RNF157: variants seen among roughly 807,000 people sequenced by gnomAD.
The protein encoded by RNF157 is E3 ubiquitin ligase RNF157.
In RNF157, 55 loss-of-function variants were observed where a neutral mutation model predicts 88.3. The observed-to-expected ratio is 0.62, with a 90% CI of 0.50 to 0.78. The LOEUF is 0.78. Ranked by LOEUF, RNF157 falls within the 30% of genes least tolerant of loss-of-function variation. RNF157 has a pLI of 0.00. For missense variants in RNF157, 788 were observed against 860.8 expected (o/e 0.92, Z 1.06); for synonymous variants, 334 against 341.2 (o/e 0.98, Z 0.23).
rs2068753440 is a variant in RNF157, at chr17:76,155,752, G to A, written c.1526-18C>T. On this transcript the variant is annotated intron_variant, in intron 14 of 18. Coordinates refer to ENST00000269391, the MANE Select transcript of RNF157 (RefSeq NM_052916.3). ...GGCAGGGCCTTTGGAGACAGGGGATGGGGAAAGGAGCCTGGAGGTCAGGCA... is the reference window on the plus strand; with the variant it reads ...GGCAGGGCCTTTGGAGACAGGGGATAGGGAAAGGAGCCTGGAGGTCAGGCA... 1.3e-6 allele frequency: 2 copies of A among 1,521,388 alleles called. No individual in the cohort carries two copies. The highest frequency in any genetic ancestry group is 2.3e-5 in the Admixed American group (1 of 42,640). 94.2% of individuals were successfully genotyped at this position (1,521,388 alleles called of 1,614,324 possible).
chr17:76,184,851 G>A (rs367726427), intron 2 of RNF157, among the ~76,000 whole-genome samples: 29 of 152,134 alleles, frequency 1.9e-4, no homozygotes, highest in Non-Finnish European at 3.8e-4. Flanking sequence ...TATAGTCTTC[G>A]AACTCCTCTG....
chr17:76,180,293 A>G (rs2069169502), intron 2 of RNF157, among the ~76,000 whole-genome samples: 1 of 152,222 alleles, frequency 6.6e-6, no homozygotes, highest in Non-Finnish European at 1.5e-5. Context: ...ATGAACAAAG[A>G]ATGAAATTTG....
At chr17:76,187,803 G>A (rs890735594) in intron 2 of RNF157, among the ~76,000 whole-genome samples, 8 of 152,022 alleles carry the variant, frequency 5.3e-5, no homozygotes, top group Admixed American at 3.9e-4. Context: ...TTACCATGTT[G>A]GTCAGGCTGC....
Position 76,167,685 on chromosome 17 carries a change from G to T in RNF157, c.409C>A (p.Gln137Lys), listed in dbSNP as rs1416463605. 1.2e-6 allele frequency: 2 copies of T among 1,614,044 alleles called. No individual in the cohort carries two copies. Among genetic ancestry groups the T allele is most frequent in the Non-Finnish European group, 1.7e-6 (2 of 1,180,040 alleles). The change falls in exon 4 of 19, where the codon CAG (glutamine) becomes AAG (lysine). Residue 137 changes from glutamine to lysine, a missense_variant. Physicochemically the swap from Gln to Lys is moderately conservative, Grantham distance 53. Coordinates refer to ENST00000269391, the MANE Select transcript of RNF157 (RefSeq NM_052916.3). ...CCATTCTGGAACTCTTCCGTGGCCTGGTAATAGATGGTGATGGCTACCCGA... is the reference window on the plus strand; with the variant it reads ...CCATTCTGGAACTCTTCCGTGGCCTTGTAATAGATGGTGATGGCTACCCGA... ...DARVAITIYYQATEEFQNGIA... is the reference protein window; with the variant it reads ...DARVAITIYYKATEEFQNGIA...
At chr17:76,231,993 C>T (rs902772319) in intron 1 of RNF157, among the ~76,000 whole-genome samples, 9 of 152,140 alleles carry the variant, frequency 5.9e-5, no homozygotes, top group Non-Finnish European at 7.4e-5. Context: ...CAAACTCATA[C>T]GATATATAGT....
At chr17:76,156,465 C>A in intron 13 of RNF157, 144 bp from the exon 14 acceptor site, 2 of 1,453,350 alleles carry the variant, frequency 1.4e-6, no homozygotes, top group South Asian at 1.4e-5. Flanking sequence ...GAGGCCGCAG[C>A]TTCTCTCTTC....
At chr17:76,207,404 C>T (rs2069699139) in intron 2 of RNF157, among the ~76,000 whole-genome samples, 1 of 151,932 alleles carries the variant, frequency 6.6e-6, no homozygotes. Context: ...GCCTGGGTGA[C>T]AGGGCAAGTC....
chr17:76,193,478 G>T (rs2144952197), intron 2 of RNF157, among the ~76,000 whole-genome samples: 1 of 152,264 alleles, frequency 6.6e-6, no homozygotes, highest in Middle Eastern at 3.4e-3. Context: ...TGACCCAGAA[G>T]AATTATTGTA....
At chr17:76,194,386 A>G (rs2069438667) in intron 2 of RNF157, among the ~76,000 whole-genome samples, 2 of 152,210 alleles carry the variant, frequency 1.3e-5, no homozygotes, top group Admixed American at 6.5e-5. Context: ...CCACCATAGG[A>G]GACTTTCAAA....
In RNF157 at chr17:76,145,261, A is replaced by C. The variant is rs1393419836; in HGVS notation, c.2014T>G (p.Cys672Gly). ...CAGACAGCCAAAGGGCCCCACACAC[A>C]GGGCCTCGTCTCAGAGTCCTCCAGG... ...SSLEDSETRP[C>G]VWGPLAV Residue 672 changes from cysteine to glycine, a missense_variant, in exon 19 of 19, where the codon TGT becomes GGT. Transcript: ENST00000269391. The C allele has an allele frequency of 6.2e-7, 1 of 1,606,418 alleles. No individual in the cohort carries two copies. Among genetic ancestry groups the C allele is most frequent in the Non-Finnish European group, 8.5e-7 (1 of 1,176,862 alleles).
At chr17:76,175,610 A>T in intron 2 of RNF157, 1 of 229,180 alleles carries the variant, frequency 4.4e-6, no homozygotes, top group Non-Finnish European at 7.2e-6. Flanking sequence ...AAAAGTAATT[A>T]GGCAGGAAAA....
At position 76,161,979 on chromosome 17, in the gene RNF157, A is replaced by G. The variant is rs1688105529; in HGVS notation, c.816T>C (p.Asp272=). Residue 272 remains aspartate (D), a synonymous_variant, in exon 10 of 19, where the codon GAT becomes GAC. Transcript: ENST00000269391. The surrounding 1 kb of genome is among the most constrained non-coding windows in gnomAD (Gnocchi z 4.6). ...DSKVAEDEVS[D]NSAECVVCLS... ...GACACACCACACACTCGGCACTGTT[A>G]TCACTCACTTCGTCTTCAGCCACCT... 1.5e-5 allele frequency: 25 copies of G among 1,614,092 alleles called. No homozygotes were observed. Among genetic ancestry groups the G allele is most frequent in the Non-Finnish European group, 2.1e-5 (25 of 1,179,962 alleles).
rs535460699 is a variant in RNF157 at position 76,206,465 on chromosome 17, G to A, written c.207+5899C>T. Among the ~76,000 whole-genome samples, 261 of 152,280 alleles carry A rather than the reference G, an allele frequency of 1.7e-3. 1 individual carries two copies. The highest frequency in any genetic ancestry group is 5.9e-3 in the African/African-American group (246 of 41,568). ...TTCCTTTATATAAGGGACCAGAGCA[G>A]AAAGACCTTCAGAAGCCCAGTTTAC... On this transcript the variant is annotated intron_variant, in intron 2 of 18. Transcript: ENST00000269391.
chr17:76,204,190 C>T (rs545466006), intron 2 of RNF157, among the ~76,000 whole-genome samples: 10 of 152,194 alleles, frequency 6.6e-5, no homozygotes, highest in African/African-American at 2.2e-4. Flanking sequence ...CCACTCTGAG[C>T]GCCAAAAGCA....
intron 1 of RNF157, among the ~76,000 whole-genome samples, chr17:76,232,057 G>T (rs143531209): frequency 7.9e-5 from 12 of 152,178 alleles, no homozygotes; most frequent in African/African-American, 2.9e-4. Flanking sequence ...AAATCATGTT[G>T]TATAGCATGT....
At chr17:76,187,686 G>A (rs184403300) in intron 2 of RNF157, among the ~76,000 whole-genome samples, 324 of 151,656 alleles carry the variant, frequency 2.1e-3, no homozygotes, top group African/African-American at 7.1e-3. Flanking sequence ...CTCCACATCC[G>A]GGGTTCAAGC....
chr17:76,164,553 C>T (rs970979856), intron 8 of RNF157, 195 bp downstream of exon 8: 9 of 407,154 alleles, frequency 2.2e-5, no homozygotes, highest in African/African-American at 8.4e-5. Context: ...CCACCCAAGT[C>T]GTTTGTAATA....
rs142444706 is a variant in RNF157, at chr17:76,216,740, A to C, written c.89-4258T>G. Among the ~76,000 whole-genome samples the C allele has an allele frequency of 1.5e-3, 235 of 152,160 alleles. 1 individual carries two copies. Among genetic ancestry groups the C allele is most frequent in the African/African-American group, 5.4e-3 (223 of 41,516 alleles). On this transcript the variant is annotated intron_variant, in intron 1 of 18. Coordinates refer to ENST00000269391, the MANE Select transcript of RNF157 (RefSeq NM_052916.3). ...CCCTTGTCTCGACAAAAAATTAAAA[A>C]ATTAGCTGGGTATGATGGCCCAAGC...
chr17:76,210,536 G>A (rs1273046892), intron 2 of RNF157, among the ~76,000 whole-genome samples: 1 of 126,090 alleles, frequency 7.9e-6, no homozygotes, highest in Non-Finnish European at 1.6e-5. Context: ...CTTTCAGTGA[G>A]CCAAGATCGT....
Sources: allele counts gnomAD v4.1 joint callset (sites outside exome capture counted in the v4.1 genomes callset), GRCh38; gene constraint gnomAD v4.1.1; non-coding constraint Gnocchi (gnomAD v3.1); transcripts MANE v1.5; gene names NCBI Gene and HGNC (gene_info 2026-07-23, HGNC 2026-07-21).